The following ATP13A5 variants were observed in gnomAD, a reference collection of about 807,000 sequenced individuals.
The protein encoded by ATP13A5 is probable cation-transporting ATPase 13A5.
A neutral mutation model predicts 150.2 loss-of-function variants in ATP13A5; 149 were observed. That is an observed-to-expected ratio of 0.99 (90% CI 0.87 to 1.14). The LOEUF (loss-of-function observed/expected upper bound fraction) is 1.14, where lower values mean the gene tolerates loss of function less well. ATP13A5 is among the 50% of genes most tolerant of loss of function. The pLI is 0.00. For missense variants in ATP13A5, 1,383 were observed against 1,449.3 expected (o/e 0.95, Z 0.74); for synonymous variants, 497 against 522.2 (o/e 0.95, Z 0.66).
At chr3:193,376,327 T>C (rs1713642050) in intron 1 of ATP13A5, among the ~76,000 whole-genome samples, 1 of 152,184 alleles carries the variant, frequency 6.6e-6, no homozygotes, top group Admixed American at 6.5e-5. Context: ...TGCCATCTTT[T>C]CTCTGTGCCC....
intron 5 of ATP13A5, 41 bp downstream of exon 5, chr3:193,362,340 T>C: frequency 1.3e-6 from 2 of 1,542,562 alleles, no homozygotes; most frequent in Non-Finnish European, 1.8e-6. Flanking sequence ...CTTCATTTTC[T>C]GCTGGCAGAG....
At chr3:193,307,722 C>T (rs1455071955) in intron 21 of ATP13A5, among the ~76,000 whole-genome samples, 1 of 152,210 alleles carries the variant, frequency 6.6e-6, no homozygotes, top group African/African-American at 2.4e-5. Context: ...CAACCTAATG[C>T]AGAGATCATA....
intron 7 of ATP13A5, among the ~76,000 whole-genome samples, chr3:193,348,840 A>T (rs1712453489): frequency 6.6e-6 from 1 of 152,136 alleles, no homozygotes; most frequent in African/African-American, 2.4e-5. Flanking sequence ...TTCATGAGTC[A>T]CTTTGAGATT....
intron 16 of ATP13A5, among the ~76,000 whole-genome samples, chr3:193,320,147 C>T (rs1377034131): frequency 1.3e-5 from 2 of 152,184 alleles, no homozygotes; most frequent in African/African-American, 4.8e-5. Flanking sequence ...GGTGGCAAAT[C>T]AACTAAGTTC....
intron 1 of ATP13A5, among the ~76,000 whole-genome samples, chr3:193,375,504 T>C (rs1713610775): frequency 1.3e-5 from 2 of 152,090 alleles, no homozygotes; most frequent in Admixed American, 1.3e-4. Flanking sequence ...GGGAAACACC[T>C]GGGCAGGGCA....
intron 9 of ATP13A5, among the ~76,000 whole-genome samples, chr3:193,338,140 G>C (rs541409151): frequency 6.6e-6 from 1 of 152,112 alleles, no homozygotes; most frequent in African/African-American, 2.4e-5. Context: ...GTGCTGAGAC[G>C]ATGGGGTTTT....
At chr3:193,330,043 T>C (rs1184829610) in intron 12 of ATP13A5, among the ~76,000 whole-genome samples, 5 of 152,166 alleles carry the variant, frequency 3.3e-5, no homozygotes, top group Admixed American at 3.3e-4. Flanking sequence ...ATTCTCTACC[T>C]ACCAGCCCAT....
chr3:193,304,294 AG>A (rs1157044254), intron 23 of ATP13A5, among the ~76,000 whole-genome samples: 1 of 152,104 alleles, frequency 6.6e-6, no homozygotes, highest in Non-Finnish European at 1.5e-5. Context: ...GCTGCTTTGG[AG>A]GCAGGGGAAG....
chr3:193,335,847 A>G (rs1711837281), intron 9 of ATP13A5, among the ~76,000 whole-genome samples: 1 of 152,076 alleles, frequency 6.6e-6, no homozygotes, highest in African/African-American at 2.4e-5. Context: ...ATTTCCTTTT[A>G]TTGGCCCCCA....
rs143264570 is a variant in ATP13A5, at chr3:193,349,556, T to C, written c.741+1511A>G. On this transcript the variant is annotated intron_variant, in intron 7 of 29. Coordinates refer to ENST00000342358, the MANE Select transcript of ATP13A5 (RefSeq NM_198505.4). ...AAAGTCAAAGTCTAGAGAAATAGACTAAAAAGTAAAACTTTTTCACATATA... is the reference window on the plus strand; with the variant it reads ...AAAGTCAAAGTCTAGAGAAATAGACCAAAAAGTAAAACTTTTTCACATATA... Among the ~76,000 whole-genome samples the C allele has an allele frequency of 4.1e-3, 624 of 152,250 alleles. 1 individual carries two copies. The highest frequency in any genetic ancestry group is 0.015 in the African/African-American group (607 of 41,558).
rs553280026 is a variant in ATP13A5 at position 193,292,598 on chromosome 3, T to G, written c.2849-2539A>C. ...TGACTCACAATGAGAAAATACCAAATCTGTCCGTTCAACCTGGCCTCAGAA... is the reference window on the plus strand; with the variant it reads ...TGACTCACAATGAGAAAATACCAAAGCTGTCCGTTCAACCTGGCCTCAGAA... On this transcript the variant is annotated intron_variant, in intron 25 of 29. Coordinates refer to ENST00000342358, the MANE Select transcript of ATP13A5 (RefSeq NM_198505.4). Among the ~76,000 whole-genome samples the G allele has an allele frequency of 5.3e-5, 8 of 152,256 alleles. No homozygotes were observed. In the South Asian group the frequency reaches 1.7e-3, roughly 32 times the overall value.
chr3:193,324,254 A>G (rs751183250), intron 14 of ATP13A5, among the ~76,000 whole-genome samples: 39 of 152,202 alleles, frequency 2.6e-4, no homozygotes, highest in Non-Finnish European at 4.8e-4. Flanking sequence ...GTTGGAATGC[A>G]GTCCTCCAGT....
At chr3:193,344,889 G>T in intron 8 of ATP13A5, 114 bp downstream of exon 8, 1 of 1,088,172 alleles carries the variant, frequency 9.2e-7, no homozygotes, top group Non-Finnish European at 1.4e-6. Context: ...CCTCGTCCCA[G>T]TTCTGGGTTC....
intron 9 of ATP13A5, among the ~76,000 whole-genome samples, chr3:193,336,240 C>A (rs1195392332): frequency 6.6e-6 from 1 of 151,872 alleles, no homozygotes; most frequent in African/African-American, 2.4e-5. Flanking sequence ...ATAGTTTTTT[C>A]TTTTTATTTT....
Position 193,372,007 on chromosome 3 carries a change from A to G in ATP13A5, c.63+6656T>C, listed in dbSNP as rs1421579625. On this transcript the variant is annotated intron_variant, in intron 1 of 29. Transcript: ENST00000342358. ...TGTTAAGTTTCTGCCACCACAGATG[A>G]TTAGGAAGTTCTGGCAGGTGCGGTG... 2.0e-5 allele frequency among the ~76,000 whole-genome samples: 3 copies of G among 152,162 alleles called. No homozygotes were observed. The South Asian group carries it at 6.3e-4, about 32-fold the overall frequency.
chr3:193,374,916 C>T (rs547250656), intron 1 of ATP13A5, among the ~76,000 whole-genome samples: 21 of 152,258 alleles, frequency 1.4e-4, no homozygotes, highest in African/African-American at 3.6e-4. Flanking sequence ...CCTGCTCTCT[C>T]GTGCTCTCTT....
At chr3:193,276,518 C>G (rs967686854) in intron 29 of ATP13A5, among the ~76,000 whole-genome samples, 1 of 152,192 alleles carries the variant, frequency 6.6e-6, no homozygotes, top group Non-Finnish European at 1.5e-5. Context: ...AGAGTTCATA[C>G]ATGTTTTGCT....
chr3:193,325,669 T>A (rs552088145), intron 13 of ATP13A5, among the ~76,000 whole-genome samples: 22 of 152,218 alleles, frequency 1.4e-4, no homozygotes, highest in Non-Finnish European at 2.4e-4. Context: ...GCTGCATGGA[T>A]GCAGAAGCAT....
intron 5 of ATP13A5, among the ~76,000 whole-genome samples, chr3:193,359,527 C>A (rs555234110): frequency 6.6e-6 from 1 of 152,276 alleles, no homozygotes; most frequent in South Asian, 2.1e-4. Flanking sequence ...ACTCGGATTC[C>A]TTTCCTCTGG....
Sources: gnomAD v4.1 joint callset for allele counts (sites outside exome capture counted in the v4.1 genomes callset) on GRCh38, gnomAD v4.1.1 for gene constraint, MANE v1.5 for transcripts, NCBI Gene and HGNC (gene_info 2026-07-23, HGNC 2026-07-21) for gene names.